Variants in ADGRL3 observed in about 807,000 individuals in gnomAD.
ADGRL3 encodes the protein calcium-independent alpha-latrotoxin receptor 3.
ADGRL3 carries 62 observed loss-of-function variants against 153.5 expected under a neutral mutation model. The observed-to-expected ratio is 0.40, with a 90% CI of 0.33 to 0.50. The LOEUF (loss-of-function observed/expected upper bound fraction) is 0.50, where lower values mean the gene tolerates loss of function less well. Ranked by LOEUF, ADGRL3 falls within the 20% of genes least tolerant of loss-of-function variation. The pLI is 0.47. For synonymous variants in ADGRL3, 710 were observed against 672.5 expected, an observed-to-expected ratio of 1.06 and a Z score of -0.86; for missense variants, 1,641 against 1,859.4, an observed-to-expected ratio of 0.88 and a Z score of 2.16.
chr4:61,486,847 C>G (rs529308866), intron 2 of ADGRL3, among the ~76,000 whole-genome samples: 207 of 152,260 alleles, frequency 1.4e-3, no homozygotes, highest in African/African-American at 4.7e-3. Context: ...TTCTTGGTTA[C>G]TCTCCTAATG....
At chr4:61,608,669 G>A (rs2099042096) in intron 5 of ADGRL3, among the ~76,000 whole-genome samples, 2 of 152,096 alleles carry the variant, frequency 1.3e-5, no homozygotes, top group Admixed American at 1.3e-4. Context: ...TGTGAATTTT[G>A]TTTTCTAAAT....
chr4:61,592,833 G>A (rs1005150648), intron 5 of ADGRL3, among the ~76,000 whole-genome samples: 5 of 152,086 alleles, frequency 3.3e-5, no homozygotes, highest in Admixed American at 6.6e-5. Context: ...AAAGCTAAAG[G>A]GAATTGTGTT....
At chr4:61,990,614 G>C (rs772219858) in intron 19 of ADGRL3, among the ~76,000 whole-genome samples, 2 of 151,836 alleles carry the variant, frequency 1.3e-5, no homozygotes, top group Non-Finnish European at 2.9e-5. Flanking sequence ...CACTAACATC[G>C]AGATGACCTT....
chr4:62,042,332 G>A (rs1728809073), intron 24 of ADGRL3, among the ~76,000 whole-genome samples: 1 of 151,866 alleles, frequency 6.6e-6, no homozygotes, highest in Non-Finnish European at 1.5e-5. Flanking sequence ...TTGGGGGAAT[G>A]TAGTAGGGGA....
chr4:61,612,308 G>A (rs2149700030), intron 5 of ADGRL3, among the ~76,000 whole-genome samples: 1 of 152,180 alleles, frequency 6.6e-6, no homozygotes, highest in Non-Finnish European at 1.5e-5. Flanking sequence ...TTGTTGGGAA[G>A]CCTTCTCTCT....
rs945375209 is a variant in ADGRL3 at position 61,986,459 on chromosome 4, G to A, written c.3236+2856G>A. Among the ~76,000 whole-genome samples, 9 of 152,078 alleles carry A rather than the reference G, an allele frequency of 5.9e-5. 1 individual carries two copies. Among genetic ancestry groups the A allele is most frequent in the Non-Finnish European group, 1.3e-4 (9 of 68,004 alleles). On this transcript the variant is annotated intron_variant, in intron 19 of 26. Coordinates refer to ENST00000683033, the MANE Select transcript of ADGRL3 (RefSeq NM_001387552.1). ...TATCTTTTCTTAGAATCAATAATAT[G>A]TAGCCTCTTGTGGCTTTGTTAAAGC...
rs1368643348 is a variant in ADGRL3, at chr4:61,428,836, T to TATCA, written c.-174+45650_-174+45651insAATC. 9.9e-4 allele frequency among the ~76,000 whole-genome samples: 51 copies of TATCA among 51,588 alleles called. 1 individual carries two copies. The highest frequency in any genetic ancestry group is 1.9e-4 in the Non-Finnish European group (4 of 21,072). The allele number at this position is 51,588 out of a possible 152,430, so 33.8% of individuals were successfully genotyped here. ...TCTGGATATCTAGCTATCATTTATC[T>TATCA]ATCTATCTATCTATCTATCTATCTA... is the stretch of plus-strand genomic sequence containing the variant. On this transcript the variant is annotated intron_variant, in intron 2 of 26. Coordinates refer to ENST00000683033, the MANE Select transcript of ADGRL3 (RefSeq NM_001387552.1).
intron 2 of ADGRL3, among the ~76,000 whole-genome samples, chr4:61,406,495 AT>A (rs11412734): frequency 1.3e-5 from 2 of 151,090 alleles, no homozygotes; most frequent in Non-Finnish European, 3.0e-5. Flanking sequence ...GAACATGCAG[AT>A]TTTTTTTGGT....
At chr4:61,502,206 G>A (rs1245148007) in intron 3 of ADGRL3, among the ~76,000 whole-genome samples, 1 of 152,176 alleles carries the variant, frequency 6.6e-6, no homozygotes, top group Non-Finnish European at 1.5e-5. Flanking sequence ...AAGGTCCAAT[G>A]TGGGACCTTG....
rs61278094 is a variant in ADGRL3, at chr4:62,050,083, G to A, written c.3814+5534G>A. 7.9e-5 allele frequency among the ~76,000 whole-genome samples: 12 copies of A among 152,042 alleles called. No homozygotes were observed. The East Asian group carries it at 2.3e-3, about 29-fold the overall frequency. The stretch of plus-strand genomic sequence containing the variant: ...GTTTTGTTTTCATTTTTATTTTGCA[G>A]CGGTGGGAAGAATGAAGTGGTTAAC... On this transcript the variant is annotated intron_variant, in intron 25 of 26. Coordinates refer to ENST00000683033, the MANE Select transcript of ADGRL3 (RefSeq NM_001387552.1).
At chr4:61,292,385 G>A (rs1310455929) in intron 1 of ADGRL3, among the ~76,000 whole-genome samples, 1 of 152,164 alleles carries the variant, frequency 6.6e-6, no homozygotes, top group Admixed American at 6.6e-5. Context: ...GGCTATAGTT[G>A]TGAAACTAGT....
chr4:61,690,110 T>A (rs1014013724), intron 6 of ADGRL3, among the ~76,000 whole-genome samples: 37 of 152,164 alleles, frequency 2.4e-4, no homozygotes, highest in African/African-American at 8.9e-4. Flanking sequence ...GTTTGAAATG[T>A]GTTCAATGCT....
At chr4:61,490,390 C>T (rs2098245365) in intron 2 of ADGRL3, among the ~76,000 whole-genome samples, 1 of 152,026 alleles carries the variant, frequency 6.6e-6, no homozygotes, top group African/African-American at 2.4e-5. Context: ...GGTTCTTCCT[C>T]CTCCTTCTTT....
In ADGRL3 at chr4:61,866,478, T is replaced by C. The variant is rs534610466; in HGVS notation, c.1481-26178T>C. On this transcript the variant is annotated intron_variant, in intron 9 of 26. Transcript: ENST00000683033. Reference sequence around the variant, plus strand: ...CTTCCTCAGGATCATCTGCAGTCTTTAATGACATCAGGTTTGTGTGCTCTG... The same window carrying C: ...CTTCCTCAGGATCATCTGCAGTCTTCAATGACATCAGGTTTGTGTGCTCTG... 3.9e-5 allele frequency among the ~76,000 whole-genome samples: 6 copies of C among 152,282 alleles called. No individual in the cohort carries two copies. The East Asian group carries it at 1.2e-3, about 29-fold the overall frequency.
intron 1 of ADGRL3, among the ~76,000 whole-genome samples, chr4:61,261,186 CTTCTTT>C (rs1473808471): frequency 6.7e-5 from 6 of 89,388 alleles, no homozygotes; most frequent in African/African-American, 1.4e-4. Flanking sequence ...TTTTCATCTT[CTTCTTT>C]TTTTTTTTTT....
intron 6 of ADGRL3, among the ~76,000 whole-genome samples, chr4:61,715,627 T>C (rs944498662): frequency 1.3e-5 from 2 of 152,158 alleles, no homozygotes; most frequent in Non-Finnish European, 2.9e-5. Context: ...AATTCTGGCA[T>C]GTATCTAATC....
intron 1 of ADGRL3, among the ~76,000 whole-genome samples, chr4:61,262,031 T>G (rs1385099398): frequency 1.3e-5 from 2 of 152,008 alleles, no homozygotes; most frequent in African/African-American, 4.8e-5. Flanking sequence ...AAGGGCTTAG[T>G]AAACTATGTT....
intron 16 of ADGRL3, among the ~76,000 whole-genome samples, chr4:61,947,534 T>G (rs1185708334): frequency 2.6e-5 from 4 of 152,192 alleles, no homozygotes; most frequent in East Asian, 1.9e-4. Context: ...ATGGATATAT[T>G]AACTCACTTC....
chr4:61,259,744 T>C (rs2092359608), intron 1 of ADGRL3, among the ~76,000 whole-genome samples: 1 of 152,154 alleles, frequency 6.6e-6, no homozygotes, highest in African/African-American at 2.4e-5. Context: ...CTTTTTTTTC[T>C]CCTTTGAACA....
Sources: allele counts gnomAD v4.1 joint callset (sites outside exome capture counted in the v4.1 genomes callset), GRCh38; gene constraint gnomAD v4.1.1; transcripts MANE v1.5; gene names NCBI Gene and HGNC (gene_info 2026-07-23, HGNC 2026-07-21).